Variants in GAB1 observed in about 807,000 individuals in gnomAD.
The protein encoded by GAB1 is GRB2-associated-binding protein 1.
GAB1 carries 19 observed loss-of-function variants against 66.5 expected under a neutral mutation model. The ratio of observed to expected loss-of-function variants is 0.29; its 90% CI spans 0.20 to 0.42. The LOEUF is 0.42. Among genes scored for constraint, GAB1 ranks in the 10% least tolerant of loss-of-function variants. GAB1 has a pLI of 1.00. For synonymous variants in GAB1, 294 were observed against 301.4 expected, an observed-to-expected ratio of 0.98 and a Z score of 0.25; for missense variants, 732 against 858.5, an observed-to-expected ratio of 0.85 and a Z score of 1.84.
At chr4:143,459,544 C>T in intron 7 of GAB1, 66 bp downstream of exon 7, 1 of 935,996 alleles carries the variant, frequency 1.1e-6, no homozygotes, top group Admixed American at 1.8e-5. Flanking sequence ...TGTTCATTAT[C>T]ATGGAAAATA....
intron 1 of GAB1, among the ~76,000 whole-genome samples, chr4:143,363,157 T>C (rs1729732281): frequency 1.3e-5 from 2 of 152,194 alleles, no homozygotes; most frequent in African/African-American, 2.4e-5. Context: ...CCAGCATTCC[T>C]CCTCATAGAA....
In GAB1 at chr4:143,466,480, C is replaced by CT. The variant is rs776557170; in HGVS notation, c.1926+282dup. Among the ~76,000 whole-genome samples the CT allele has an allele frequency of 9.6e-3, 645 of 67,292 alleles. 70 individuals are homozygous for CT. The highest frequency in any genetic ancestry group is 0.012 in the Middle Eastern group (1 of 82). The allele number at this position is 67,292 out of a possible 152,430, so 44.1% of individuals were successfully genotyped here. A position where few individuals can be genotyped will look rare whatever the true frequency, so the allele number is the denominator to read the frequency against. ...CATTGAAATAGTTATTTAACAAATT[C>CT]TTTTTTTTTTTTTTTTTTTTTTTTT... On this transcript the variant is annotated intron_variant, in intron 9 of 9. Transcript: ENST00000262994.
chr4:143,344,822 A>G (rs1728938204), intron 1 of GAB1, among the ~76,000 whole-genome samples: 1 of 152,256 alleles, frequency 6.6e-6, no homozygotes, highest in Non-Finnish European at 1.5e-5. Context: ...ACTTATTCAT[A>G]GGAGCGAAGT....
At chr4:143,467,944 A>G (rs944789747) in intron 9 of GAB1, among the ~76,000 whole-genome samples, 3 of 152,214 alleles carry the variant, frequency 2.0e-5, no homozygotes, top group Non-Finnish European at 4.4e-5. Context: ...TGCATTGATA[A>G]TTTTATTTAA....
intron 7 of GAB1, among the ~76,000 whole-genome samples, chr4:143,460,043 A>G (rs1210838618): frequency 2.0e-5 from 3 of 151,914 alleles, no homozygotes; most frequent in African/African-American, 7.3e-5. Flanking sequence ...GTGTGTGTAT[A>G]TAGTTTTTAA....
intron 2 of GAB1, among the ~76,000 whole-genome samples, chr4:143,430,604 A>T (rs969456782): frequency 2.6e-5 from 4 of 152,204 alleles, no homozygotes; most frequent in African/African-American, 4.8e-5. Context: ...AGCACTTGAT[A>T]TTATGAAATA....
intron 1 of GAB1, among the ~76,000 whole-genome samples, chr4:143,366,519 AT>A (rs1729886366): frequency 6.6e-6 from 1 of 152,054 alleles, no homozygotes; most frequent in Non-Finnish European, 1.5e-5. Context: ...GATTGCAAAT[AT>A]TTTTGTGTTT....
Position 143,393,601 on chromosome 4 carries a change from G to A in GAB1, c.73-21876G>A, listed in dbSNP as rs191630120. 2.8e-3 allele frequency among the ~76,000 whole-genome samples: 433 copies of A among 152,202 alleles called. 4 individuals carry two copies. The highest frequency in any genetic ancestry group is 2.4e-3 in the Non-Finnish European group (164 of 68,010). ...GAGTATTCAATAAATGTTAATAATT[G>A]TTATTGCATTGGAAAAAATCTTGAA... On this transcript the variant is annotated intron_variant, in intron 1 of 9. Transcript: ENST00000262994.
At chr4:143,407,182 A>G (rs1732094757) in intron 1 of GAB1, among the ~76,000 whole-genome samples, 1 of 152,152 alleles carries the variant, frequency 6.6e-6, no homozygotes, top group Admixed American at 6.5e-5. Context: ...TGCTTTAATC[A>G]GATGCTCAAA....
chr4:143,339,414 G>A (rs1728757251), intron 1 of GAB1, among the ~76,000 whole-genome samples: 1 of 152,270 alleles, frequency 6.6e-6, no homozygotes, highest in African/African-American at 2.4e-5. Context: ...GGGAGGCTGA[G>A]GCAGGAGAAA....
At chr4:143,410,097 C>T (rs989774282) in intron 1 of GAB1, among the ~76,000 whole-genome samples, 9 of 150,872 alleles carry the variant, frequency 6.0e-5, no homozygotes, top group South Asian at 2.1e-4. Flanking sequence ...AATGTGCATT[C>T]AGGGCAGAGA....
At chr4:143,390,341 G>T (rs1731122303) in intron 1 of GAB1, among the ~76,000 whole-genome samples, 1 of 151,474 alleles carries the variant, frequency 6.6e-6, no homozygotes, top group East Asian at 1.9e-4. Context: ...TCTGCTCTGG[G>T]TTTATAAGAG....
chr4:143,405,329 G>A (rs1289135707), intron 1 of GAB1, among the ~76,000 whole-genome samples: 1 of 152,176 alleles, frequency 6.6e-6, no homozygotes, highest in Admixed American at 6.5e-5. Flanking sequence ...AGTAGGCACT[G>A]TGAAGTTGTA....
chr4:143,419,308 A>G (rs1250464863), intron 2 of GAB1, among the ~76,000 whole-genome samples: 1 of 152,120 alleles, frequency 6.6e-6, no homozygotes, highest in Non-Finnish European at 1.5e-5. Flanking sequence ...CAGTCAGTCT[A>G]GTAGGAGGGA....
intron 2 of GAB1, among the ~76,000 whole-genome samples, chr4:143,427,336 G>A (rs139854780): frequency 0.012 from 1,763 of 152,264 alleles, 33 homozygotes; most frequent in African/African-American, 0.037. Context: ...TTATCTAAGG[G>A]TTCCTGGCAA....
At chr4:143,422,733 C>T (rs1733091823) in intron 2 of GAB1, among the ~76,000 whole-genome samples, 1 of 152,184 alleles carries the variant, frequency 6.6e-6, no homozygotes, top group Non-Finnish European at 1.5e-5. Context: ...ACATGATAAT[C>T]TACTCTTCAC....
chr4:143,338,215 G>C (rs1728722514), intron 1 of GAB1, among the ~76,000 whole-genome samples: 1 of 152,188 alleles, frequency 6.6e-6, no homozygotes, highest in African/African-American at 2.4e-5. Context: ...TGGTTGTTTT[G>C]TTGCTGCTCC....
At chr4:143,417,573 A>C (rs1261838812) in intron 2 of GAB1, 4 of 215,814 alleles carry the variant, frequency 1.9e-5, no homozygotes, top group Non-Finnish European at 2.8e-5. Context: ...ACACTGGGCT[A>C]ATTTTTAATA....
Position 143,469,476 on chromosome 4 carries a change from T to C in GAB1, c.*287T>C, listed in dbSNP as rs1352781905. ...TAGTATTACTGTATTTATGCACTTT[T>C]TCATCTAAAACATTGTTCTGGGTTT... On this transcript the variant is annotated 3_prime_UTR_variant, in exon 10 of 10. Coordinates refer to ENST00000262994, the MANE Select transcript of GAB1 (RefSeq NM_002039.4). The C allele has an allele frequency of 3.7e-6, 1 of 273,632 alleles. No individual in the cohort carries two copies. The highest frequency in any genetic ancestry group is 2.1e-5 in the African/African-American group (1 of 47,266). The allele number at this position is 273,632 out of a possible 1,614,324, so 17.0% of individuals were successfully genotyped here.
Sources: allele counts gnomAD v4.1 joint callset (sites outside exome capture counted in the v4.1 genomes callset), GRCh38; gene constraint gnomAD v4.1.1; transcripts MANE v1.5; gene names NCBI Gene and HGNC (gene_info 2026-07-23, HGNC 2026-07-21).